Variants in PREX1 observed in about 807,000 individuals in gnomAD.
The protein encoded by PREX1 is phosphatidylinositol 3,4,5-trisphosphate-dependent Rac exchanger 1 protein.
In PREX1, 41 loss-of-function variants were observed where a neutral mutation model predicts 198.3. That is an observed-to-expected ratio of 0.21 (90% CI 0.16 to 0.27). The LOEUF (loss-of-function observed/expected upper bound fraction) is 0.27, where lower values mean the gene tolerates loss of function less well. Among genes scored for constraint, PREX1 ranks in the 10% least tolerant of loss-of-function variants. The pLI is 1.00. For synonymous variants in PREX1, 843 were observed against 887.2 expected, an observed-to-expected ratio of 0.95 and a Z score of 0.89; for missense variants, 1,620 against 2,200.7, an observed-to-expected ratio of 0.74 and a Z score of 5.28.
chr20:48,722,976 C>T (rs1440155378), intron 5 of PREX1, among the ~76,000 whole-genome samples: 3 of 152,234 alleles, frequency 2.0e-5, no homozygotes, highest in Non-Finnish European at 2.9e-5. Context: ...GCACCAGGGG[C>T]ATTACCCCAA....
In PREX1 at chr20:48,691,843, C is replaced by A. The variant is rs1279415807; in HGVS notation, c.1037-747G>T. On this transcript the variant is annotated intron_variant, in intron 8 of 39. Transcript: ENST00000371941. The surrounding 1 kb of genome is among the most constrained non-coding windows in gnomAD (Gnocchi z 5.0). ...CATGCAGAGACATGGATGAACCCCACTAACGTGGTGTTGAGTGAAAGCAGT... is the reference window on the plus strand; with the variant it reads ...CATGCAGAGACATGGATGAACCCCAATAACGTGGTGTTGAGTGAAAGCAGT... Among the ~76,000 whole-genome samples the A allele has an allele frequency of 6.6e-6, 1 of 152,214 alleles. No individual in the cohort carries two copies. The highest frequency in any genetic ancestry group is 2.4e-5 in the African/African-American group (1 of 41,446).
Position 48,627,631 on chromosome 20 carries a change from A to ATCAGG in PREX1, c.4870-21_4870-17dup, listed in dbSNP as rs745656458. 11 of 1,602,714 alleles carry ATCAGG rather than the reference A, an allele frequency of 6.9e-6. No homozygotes were observed. The African/African-American group carries it at 1.2e-4, about 18-fold the overall frequency. The stretch of plus-strand genomic sequence containing the variant: ...CCCTTGGGCCCTGGAAGAAGGAACC[A>ATCAGG]TCAGGCAGGGGCCTCTGCAGGTTCA... On this transcript the variant is annotated splice_polypyrimidine_tract_variant and intron_variant, in intron 38 of 39. Coordinates refer to ENST00000371941, the MANE Select transcript of PREX1 (RefSeq NM_020820.4).
Position 48,650,095 on chromosome 20 carries a change from T to C in PREX1, c.2929A>G (p.Met977Val), listed in dbSNP as rs2089481395. ...FCPTNCHINL[M>V]EVSYPKTTPS... The stretch of plus-strand genomic sequence containing the variant: ...GTGGTCTTGGGGTAGGACACTTCCA[T>C]GAGGTTGATGTGGCAATTGGTGGGG... Residue 977 changes from methionine to valine, a missense_variant, in exon 24 of 40, where the codon ATG (methionine) becomes GTG (valine). Coordinates refer to ENST00000371941, the MANE Select transcript of PREX1 (RefSeq NM_020820.4). 11 of 1,613,934 alleles carry C rather than the reference T, an allele frequency of 6.8e-6. No homozygotes were observed. Among genetic ancestry groups the C allele is most frequent in the Admixed American group, 1.7e-5 (1 of 59,998 alleles).
At chr20:48,640,049 G>C (rs1276147003) in intron 29 of PREX1, among the ~76,000 whole-genome samples, 155 bp from the exon 30 acceptor site, 1 of 152,154 alleles carries the variant, frequency 6.6e-6, no homozygotes, top group African/African-American at 2.4e-5. Context: ...GGTCCACAGA[G>C]GGTAAGTGTG....
intron 1 of PREX1, among the ~76,000 whole-genome samples, chr20:48,799,435 G>A (rs1245295800): frequency 6.6e-6 from 1 of 152,140 alleles, no homozygotes; most frequent in Non-Finnish European, 1.5e-5. Context: ...CACTGTCAGT[G>A]GCATCCTAAA....
intron 3 of PREX1, among the ~76,000 whole-genome samples, chr20:48,741,913 A>G (rs6090899): frequency 0.09 from 13,625 of 152,216 alleles, 741 homozygotes; most frequent in Middle Eastern, 0.21. Context: ...CCAGGGGAGC[A>G]AGTTCCGAGG....
intron 1 of PREX1, among the ~76,000 whole-genome samples, chr20:48,786,875 T>C (rs1393916508): frequency 7.3e-6 from 1 of 136,838 alleles, no homozygotes; most frequent in Non-Finnish European, 1.6e-5. Context: ...GAGAGGAGGG[T>C]AGGGAGGAGA....
At chr20:48,635,855 G>C (rs1293675852) in intron 32 of PREX1, among the ~76,000 whole-genome samples, 1 of 152,242 alleles carries the variant, frequency 6.6e-6, no homozygotes, top group African/African-American at 2.4e-5. Flanking sequence ...TGTGAGAAGA[G>C]GAAGGGGAGG....
intron 21 of PREX1, among the ~76,000 whole-genome samples, chr20:48,652,344 T>A (rs1407970972): frequency 1.3e-5 from 2 of 151,636 alleles, no homozygotes; most frequent in African/African-American, 4.9e-5. Flanking sequence ...CTCCGGAGGC[T>A]GAGGTGGATC....
chr20:48,721,012 C>T (rs2089982789), intron 5 of PREX1, among the ~76,000 whole-genome samples: 1 of 152,198 alleles, frequency 6.6e-6, no homozygotes, highest in African/African-American at 2.4e-5. Flanking sequence ...ATGGACAGGT[C>T]CCAGGATGTG....
At chr20:48,816,609 G>A (rs1248570213) in intron 1 of PREX1, among the ~76,000 whole-genome samples, 2 of 152,132 alleles carry the variant, frequency 1.3e-5, no homozygotes, top group East Asian at 1.9e-4. Flanking sequence ...CCGTGATGTG[G>A]CTATGTTGTG....
Position 48,827,786 on chromosome 20 carries a change from A to G in PREX1, c.75T>C (p.Pro25=), listed in dbSNP as rs999100162. Residue 25 remains proline (P), a synonymous_variant, in exon 1 of 40, where the codon CCT becomes CCC. Transcript: ENST00000371941. The surrounding 1 kb of genome is among the most constrained non-coding windows in gnomAD (Gnocchi z 4.1). ...GGCCGGAGCTGGGCGCCGCGGCGCC[A>G]GGGGCCCGGGGGTCCGGGTGGGCGC... The part of the protein sequence containing the change: ...GDCAHPDPRA[P]GAAAPSSGPG... The G allele has an allele frequency of 2.7e-6, 3 of 1,123,798 alleles. No individual in the cohort carries two copies. The African/African-American group carries it at 5.0e-5, about 19-fold the overall frequency. 69.6% of individuals were successfully genotyped at this position (1,123,798 alleles called of 1,614,324 possible). A position where few individuals can be genotyped will look rare whatever the true frequency, so the allele number is the denominator to read the frequency against.
intron 1 of PREX1, among the ~76,000 whole-genome samples, chr20:48,757,759 C>A (rs557854552): frequency 2.6e-5 from 4 of 152,194 alleles, no homozygotes; most frequent in Admixed American, 6.5e-5. Flanking sequence ...GCCCCTGGAC[C>A]AGCTCAGACC....
intron 4 of PREX1, among the ~76,000 whole-genome samples, chr20:48,728,971 A>G (rs1289175468): frequency 1.3e-5 from 2 of 152,076 alleles, no homozygotes; most frequent in Non-Finnish European, 2.9e-5. Flanking sequence ...TGAGGCGTCA[A>G]CCTCATGGTC....
the PREX1 span, among the ~76,000 whole-genome samples, chr20:48,872,803 T>C: frequency 2.0e-5 from 3 of 152,046 alleles, no homozygotes; most frequent in Non-Finnish European, 2.9e-5. Flanking sequence ...CAAAGTGCCA[T>C]GAGGAAGGAC....
intron 1 of PREX1, among the ~76,000 whole-genome samples, chr20:48,765,229 A>G (rs2090203174): frequency 6.6e-6 from 1 of 152,230 alleles, no homozygotes; most frequent in Non-Finnish European, 1.5e-5. Context: ...CATTTCATAC[A>G]TTGTTTGGCA....
chr20:48,649,295 C>T lies in PREX1; in HGVS notation c.3305+5G>A, dbSNP rs942414674. ...TCACGCCGGACACCCCCGGCCAGCG[C>T]TCACCTGTTGATCTGGGTGACATAT... On this transcript the variant is annotated splice_donor_5th_base_variant and intron_variant, in intron 25 of 39. Coordinates refer to ENST00000371941, the MANE Select transcript of PREX1 (RefSeq NM_020820.4). 34 of 1,610,864 alleles carry T rather than the reference C, an allele frequency of 2.1e-5. No individual in the cohort carries two copies. The highest frequency in any genetic ancestry group is 2.7e-5 in the Non-Finnish European group (32 of 1,177,632).
intron 16 of PREX1, among the ~76,000 whole-genome samples, chr20:48,659,008 C>T (rs1019850842): frequency 9.2e-5 from 14 of 151,842 alleles, no homozygotes; most frequent in African/African-American, 2.9e-4. Context: ...ACGGGTTGAT[C>T]GCTTGATCCC....
upstream of PREX1, among the ~76,000 whole-genome samples, chr20:48,830,162 A>C (rs57715233): frequency 5.8e-3 from 888 of 152,268 alleles, 27 homozygotes; most frequent in Admixed American, 0.04. Context: ...CCAGAAGTTC[A>C]AGACCAGCCT....
Sources: allele counts gnomAD v4.1 joint callset (sites outside exome capture counted in the v4.1 genomes callset), GRCh38; gene constraint gnomAD v4.1.1; non-coding constraint Gnocchi (gnomAD v3.1); transcripts MANE v1.5; gene names NCBI Gene and HGNC (gene_info 2026-07-23, HGNC 2026-07-21).